Variants in PELP1 observed in about 807,000 individuals in gnomAD.
The protein encoded by PELP1 is proline-, glutamic acid- and leucine-rich protein 1.
A neutral mutation model predicts 95.5 loss-of-function variants in PELP1; 32 were observed. That is an observed-to-expected ratio of 0.34 (90% confidence interval 0.25 to 0.45). PELP1 has a LOEUF of 0.45. Among genes scored for constraint, PELP1 ranks in the 20% least tolerant of loss-of-function variants. The pLI is 1.00. For missense variants in PELP1, 1,358 were observed against 1,444.8 expected, an observed-to-expected ratio of 0.94 and a Z score of 0.97; for synonymous variants, 668 against 600.1, an observed-to-expected ratio of 1.11 and a Z score of -1.65.
At chr17:4,700,992 T>TA (rs34278447) in intron 1 of PELP1, among the ~76,000 whole-genome samples, 2,497 of 29,432 alleles carry the variant, frequency 0.085, 371 homozygotes, top group East Asian at 0.33. Context: ...AAAGTTCCAC[T>TA]AAAAAAAAAA....
chr17:4,673,733 T>C lies in PELP1; in HGVS notation c.1583-59A>G. On this transcript the variant is annotated intron_variant, in intron 13 of 16. Coordinates refer to ENST00000572293, the MANE Select transcript of PELP1 (RefSeq NM_014389.3). This position sits in a 1 kb window ranked among gnomAD's most constrained non-coding sequence, Gnocchi z 5.7. Reference sequence around the variant, plus strand: ...TCCCAACAGACTGACGGCAAGGGCTTCTGAAGCATACAGCCCAAAATGGGC... The same window carrying C: ...TCCCAACAGACTGACGGCAAGGGCTCCTGAAGCATACAGCCCAAAATGGGC... The C allele has an allele frequency of 6.8e-7, 1 of 1,477,484 alleles. No individual in the cohort carries two copies. Among genetic ancestry groups the C allele is most frequent in the Non-Finnish European group, 9.5e-7 (1 of 1,055,484 alleles). The allele number at this position is 1,477,484 out of a possible 1,614,324, so 91.5% of individuals were successfully genotyped here. A position where few individuals can be genotyped will look rare whatever the true frequency, so the allele number is the denominator to read the frequency against.
At chr17:4,701,426 CA>C (rs1475832876) in intron 1 of PELP1, among the ~76,000 whole-genome samples, 7 of 152,134 alleles carry the variant, frequency 4.6e-5, no homozygotes, top group African/African-American at 1.4e-4. Context: ...TTAAAAGCTG[CA>C]AACAGGATCA....
chr17:4,671,519 T>G lies in PELP1; in HGVS notation c.3313A>C (p.Thr1105Pro), dbSNP rs1912199250. Residue 1105 changes from threonine (T) to proline (P), a missense_variant, in exon 17 of 17, where the codon ACA (threonine) becomes CCA (proline). This residue lies in a region of PELP1 where 283 missense variants were observed against 284.1 expected (regional missense o/e 1.00). Coordinates refer to ENST00000572293, the MANE Select transcript of PELP1 (RefSeq NM_014389.3). ...EALQEKEQDDTAAMLADFIDC... is the reference protein window; with the variant it reads ...EALQEKEQDDPAAMLADFIDC... ...ATGAAGTCGGCCAGCATGGCAGCTG[T>G]GTCATCCTGCTCCTTTTAGGCACAA... 6.2e-7 allele frequency: 1 copy of G among 1,613,766 alleles called. No individual in the cohort carries two copies. Among genetic ancestry groups the G allele is most frequent in the Non-Finnish European group, 8.5e-7 (1 of 1,179,820 alleles).
rs2150551193 is a variant in PELP1, at chr17:4,670,934, TGACTA to T, written c.*500_*504del. The T allele has an allele frequency of 6.4e-6, 1 of 155,040 alleles. No individual in the cohort carries two copies. The highest frequency in any genetic ancestry group is 6.5e-5 in the Admixed American group (1 of 15,402). The allele number at this position is 155,040 out of a possible 1,614,324, so 9.6% of individuals were successfully genotyped here. A position where few individuals can be genotyped will look rare whatever the true frequency, so the allele number is the denominator to read the frequency against. ...AAGGTCCAAATTTCCCAGAATTCAA[TGACTA>T]AACTGCTCCACACCTTTTCCTAATT... On this transcript the variant is annotated 3_prime_UTR_variant, in exon 17 of 17. Transcript: ENST00000572293.
At chr17:4,702,859 G>T (rs1021768906) in intron 1 of PELP1, among the ~76,000 whole-genome samples, 3 of 152,114 alleles carry the variant, frequency 2.0e-5, no homozygotes, top group Admixed American at 6.6e-5. Flanking sequence ...AGCTATTATG[G>T]GCTAGAAATA....
rs755783918 is a variant in PELP1, at chr17:4,671,912, C to G, written c.3079G>C (p.Ala1027Pro). 1.3e-6 allele frequency: 2 copies of G among 1,516,382 alleles called. No individual in the cohort carries two copies. The highest frequency in any genetic ancestry group is 1.8e-6 in the Non-Finnish European group (2 of 1,136,214). The allele number at this position is 1,516,382 out of a possible 1,614,324, so 93.9% of individuals were successfully genotyped here. The change falls in exon 16 of 17, where the codon GCC (alanine) becomes CCC (proline). Residue 1027 changes from alanine (A) to proline (P), a missense_variant. Ala to Pro is a conservative substitution (Grantham distance 27, BLOSUM62 -1). Transcript: ENST00000572293. ...CCCTGGGAGGGGAGCGCTTCAGGGG[C>G]CAGGGTGGGAGCTGTGTCAGCCCCA... The part of the protein sequence containing the change: ...ERGADTAPTL[A>P]PEALPSQGEV...
At position 4,673,545 on chromosome 17, in the gene PELP1, C is replaced by G. The variant is rs1912327595; in HGVS notation, c.1638+74G>C. On this transcript the variant is annotated intron_variant, in intron 14 of 16. Transcript: ENST00000572293. The surrounding 1 kb of genome is among the most constrained non-coding windows in gnomAD (Gnocchi z 5.7). ...CTCCCAGGTCGGAATGGACCCACCT[C>G]TGGGCCACACCCCCCAATGTGTACA... 5 of 1,573,978 alleles carry G rather than the reference C, an allele frequency of 3.2e-6. No homozygotes were observed. Among genetic ancestry groups the G allele is most frequent in the Non-Finnish European group, 3.5e-6 (4 of 1,144,166 alleles).
At chr17:4,689,276 C>T (rs992846977) in intron 3 of PELP1, among the ~76,000 whole-genome samples, 2 of 152,106 alleles carry the variant, frequency 1.3e-5, no homozygotes, top group African/African-American at 2.4e-5. Context: ...TAGACATTGG[C>T]TTAGGCAAAG....
chr17:4,687,271 G>A (rs1008975359), intron 3 of PELP1, among the ~76,000 whole-genome samples: 12 of 152,328 alleles, frequency 7.9e-5, no homozygotes, highest in African/African-American at 2.6e-4. Flanking sequence ...TTCGCTGGGT[G>A]TGGTGGCTCA....
rs1912138012 is a variant in PELP1, at chr17:4,670,085, GC to G, written c.*1353del. 1.3e-5 allele frequency: 2 copies of G among 152,282 alleles called. No individual in the cohort carries two copies. The highest frequency in any genetic ancestry group is 4.1e-4 in the South Asian group (2 of 4,830). The allele number at this position is 152,282 out of a possible 1,614,324, so 9.4% of individuals were successfully genotyped here. ...AGTTAACATGACTAAATGTTAATTG[GC>G]AAATCTAGGCAAAGGTTATCTATTA... is the stretch of plus-strand genomic sequence containing the variant. On this transcript the variant is annotated 3_prime_UTR_variant, in exon 17 of 17. Coordinates refer to ENST00000572293, the MANE Select transcript of PELP1 (RefSeq NM_014389.3).
chr17:4,700,992 T>TAAAA (rs34278447), intron 1 of PELP1, among the ~76,000 whole-genome samples: 9 of 29,430 alleles, frequency 3.1e-4, no homozygotes, highest in Non-Finnish European at 4.0e-4. Flanking sequence ...AAAGTTCCAC[T>TAAAA]AAAAAAAAAA....
Position 4,673,946 on chromosome 17 carries a change from G to A in PELP1, c.1583-272C>T, listed in dbSNP as rs1346621414. 6 of 443,334 alleles carry A rather than the reference G, an allele frequency of 1.4e-5. No homozygotes were observed. Among genetic ancestry groups the A allele is most frequent in the Admixed American group, 3.4e-5 (1 of 29,124 alleles). 27.5% of individuals were successfully genotyped at this position (443,334 alleles called of 1,614,324 possible). ...GAACAATCGGTTCTCCCCTTCCCAT[G>A]GGATGGGGTGGCAGGCAGTGAAATA... On this transcript the variant is annotated intron_variant, in intron 13 of 16. Coordinates refer to ENST00000572293, the MANE Select transcript of PELP1 (RefSeq NM_014389.3). The surrounding 1 kb of genome is among the most constrained non-coding windows in gnomAD (Gnocchi z 5.7).
intron 1 of PELP1, among the ~76,000 whole-genome samples, chr17:4,702,542 C>A (rs1484635678): frequency 6.6e-6 from 1 of 152,188 alleles, no homozygotes; most frequent in African/African-American, 2.4e-5. Context: ...AGAGAAAATA[C>A]ATAATCAGCT....
At position 4,671,833 on chromosome 17, in the gene PELP1, A is replaced by T; in HGVS notation, c.3158T>A (p.Leu1053His). ...SPAAGPPPQE[L>H]VEEEPSAPPT... Reference sequence around the variant, plus strand: ...GGGAGCAGAGGGCTCTTCTTCAACAAGCTCCTGGGGAGGGGGCCCTGCCGC... The same window carrying T: ...GGGAGCAGAGGGCTCTTCTTCAACATGCTCCTGGGGAGGGGGCCCTGCCGC... Residue 1053 changes from leucine to histidine, a missense_variant, in exon 16 of 17, where the codon CTT becomes CAT. Leu to His is a moderately conservative substitution (Grantham distance 99, BLOSUM62 -3). Transcript: ENST00000572293. 6.6e-7 allele frequency: 1 copy of T among 1,510,458 alleles called. No individual in the cohort carries two copies. Among genetic ancestry groups the T allele is most frequent in the Non-Finnish European group, 8.8e-7 (1 of 1,133,736 alleles). 93.6% of individuals were successfully genotyped at this position (1,510,458 alleles called of 1,614,324 possible).
In PELP1 at chr17:4,698,639, C is replaced by A. The variant is rs1204597176; in HGVS notation, c.249+5224G>T. Among the ~76,000 whole-genome samples, 787 of 110,092 alleles carry A rather than the reference C, an allele frequency of 7.1e-3. 2 individuals are homozygous for A. Among genetic ancestry groups the A allele is most frequent in the South Asian group, 0.016 (48 of 3,058 alleles). 72.2% of individuals were successfully genotyped at this position (110,092 alleles called of 152,430 possible). Reference sequence around the variant, plus strand: ...CCTAGGCAACAGACTGAGATTGTCTCAAAAAAAAAAAAACAAGGCAAAACA... The same window carrying A: ...CCTAGGCAACAGACTGAGATTGTCTAAAAAAAAAAAAAACAAGGCAAAACA... On this transcript the variant is annotated intron_variant, in intron 1 of 16. Coordinates refer to ENST00000572293, the MANE Select transcript of PELP1 (RefSeq NM_014389.3).
chr17:4,684,377 T>G (rs1304677502), intron 3 of PELP1, among the ~76,000 whole-genome samples: 1 of 152,148 alleles, frequency 6.6e-6, no homozygotes, highest in Non-Finnish European at 1.5e-5. Context: ...CAGAAAAAAC[T>G]GAAGCCCAGA....
intron 5 of PELP1, among the ~76,000 whole-genome samples, chr17:4,677,923 A>G (rs1205210788): frequency 4.2e-5 from 6 of 143,444 alleles, no homozygotes; most frequent in Admixed American, 2.8e-4. Flanking sequence ...TCTCAAAAAG[A>G]AAAAAAAAAA....
chr17:4,690,709 G>A (rs1253932840), intron 3 of PELP1, among the ~76,000 whole-genome samples, 179 bp downstream of exon 3: 3 of 152,014 alleles, frequency 2.0e-5, no homozygotes, highest in African/African-American at 7.2e-5. Context: ...GTGACAAAGT[G>A]AGACTCCATC....
chr17:4,703,477 C>G (rs954877443), intron 1 of PELP1, among the ~76,000 whole-genome samples: 1 of 152,124 alleles, frequency 6.6e-6, no homozygotes, highest in African/African-American at 2.4e-5. Flanking sequence ...AGTATCTGAC[C>G]CTCAATAAGA....
Sources: allele counts gnomAD v4.1 joint callset (sites outside exome capture counted in the v4.1 genomes callset), GRCh38; gene constraint gnomAD v4.1.1; regional missense constraint gnomAD v4.1.1; non-coding constraint Gnocchi (gnomAD v3.1); transcripts MANE v1.5; gene names NCBI Gene and HGNC (gene_info 2026-07-23, HGNC 2026-07-21).